Variants in TGIF2 observed in about 807,000 individuals in gnomAD.
TGIF2 encodes homeobox protein TGIF2.
Under a neutral mutation model 15.1 loss-of-function variants are expected in TGIF2, and 5 were observed. That is an observed-to-expected ratio of 0.33 (90% CI 0.17 to 0.70). The LOEUF (loss-of-function observed/expected upper bound fraction) is 0.70, where lower values mean the gene tolerates loss of function less well. Among genes scored for constraint, TGIF2 ranks in the 30% least tolerant of loss-of-function variants. The pLI is 0.67. For missense variants in TGIF2, 264 were observed against 302.5 expected (o/e 0.87, Z 0.94); for synonymous variants, 131 against 128.9 (o/e 1.02, Z -0.11).
chr20:36,574,868 G>C (rs1160866174), intron 1 of TGIF2: 1 of 153,058 alleles, frequency 6.5e-6, no homozygotes, highest in African/African-American at 2.4e-5. Context: ...CGGCCCGGGG[G>C]AGTGTCGGGA....
At chr20:36,588,589 A>C (rs1246473940) in intron 2 of TGIF2, among the ~76,000 whole-genome samples, 1 of 151,836 alleles carries the variant, frequency 6.6e-6, no homozygotes, top group Non-Finnish European at 1.5e-5. Flanking sequence ...ACCAGCGTCC[A>C]CTGAAGCCTG....
chr20:36,591,211 C>T lies in TGIF2; in HGVS notation c.494C>T (p.Thr165Ile), dbSNP rs560624399. The T allele has an allele frequency of 5.0e-6, 8 of 1,614,078 alleles. No homozygotes were observed. Among genetic ancestry groups the T allele is most frequent in the African/African-American group, 1.3e-5 (1 of 74,944 alleles). ...CTGGTGACCCCTGGTAGCACACTTA[C>T]TCTGCTGACCAGGGCTGAGGCTGGA... ...KPLVTPGSTLTLLTRAEAGSP... is the reference protein window; with the variant it reads ...KPLVTPGSTLILLTRAEAGSP... Residue 165 changes from threonine (T) to isoleucine (I), a missense_variant, in exon 3 of 3, where the codon ACT (threonine) becomes ATT (isoleucine). Thr to Ile is a moderately conservative substitution (Grantham distance 89). Transcript: ENST00000373872. This position sits in a 1 kb window ranked among gnomAD's most constrained non-coding sequence, Gnocchi z 5.3.
chr20:36,589,369 A>G (rs2038722226), intron 2 of TGIF2, among the ~76,000 whole-genome samples: 1 of 151,898 alleles, frequency 6.6e-6, no homozygotes. Context: ...GAAGAGCAGC[A>G]GGAAGGTGAG....
Position 36,591,682 on chromosome 20 carries a change from G to GTGC in TGIF2, c.*259_*261dup. 2.5e-6 allele frequency: 1 copy of GTGC among 398,260 alleles called. No individual in the cohort carries two copies. Among genetic ancestry groups the GTGC allele is most frequent in the Non-Finnish European group, 4.5e-6 (1 of 220,920 alleles). 24.7% of individuals were successfully genotyped at this position (398,260 alleles called of 1,614,324 possible). A position where few individuals can be genotyped will look rare whatever the true frequency, so the allele number is the denominator to read the frequency against. On this transcript the variant is annotated 3_prime_UTR_variant, in exon 3 of 3. Transcript: ENST00000373872. This position sits in a 1 kb window ranked among gnomAD's most constrained non-coding sequence, Gnocchi z 5.3. The stretch of plus-strand genomic sequence containing the variant: ...GACCAAGAGATCGGAGACAAGCATG[G>GTGC]TGCTGCTGCTTCTGCTGCTTCTCCA...
chr20:36,592,514 C>A lies in TGIF2; in HGVS notation c.*1083C>A, dbSNP rs2038785733. 6.6e-6 allele frequency: 1 copy of A among 152,492 alleles called. No individual in the cohort carries two copies. The highest frequency in any genetic ancestry group is 2.1e-4 in the South Asian group (1 of 4,826). 9.4% of individuals were successfully genotyped at this position (152,492 alleles called of 1,614,324 possible). The stretch of plus-strand genomic sequence containing the variant: ...CCCATATGTCAGAAGCTCCCAGCAC[C>A]TCCTACTTGGGAGAAAAGTGAGCCA... On this transcript the variant is annotated 3_prime_UTR_variant, in exon 3 of 3. Transcript: ENST00000373872.
intron 2 of TGIF2, among the ~76,000 whole-genome samples, chr20:36,585,465 T>TTA (rs2038636981): frequency 1.9e-5 from 2 of 104,056 alleles, no homozygotes; most frequent in South Asian, 3.1e-4. Context: ...ACTCTGTCTT[T>TTA]AAAAAAAAAA....
intron 2 of TGIF2, among the ~76,000 whole-genome samples, chr20:36,585,327 G>A (rs556916280): frequency 7.2e-5 from 11 of 152,012 alleles, no homozygotes; most frequent in East Asian, 3.9e-4. Flanking sequence ...GTGAAACCCC[G>A]TCTCTACTAA....
chr20:36,590,589 G>C (rs1290370161), intron 2 of TGIF2, among the ~76,000 whole-genome samples: 1 of 152,192 alleles, frequency 6.6e-6, no homozygotes, highest in Non-Finnish European at 1.5e-5. Flanking sequence ...TTTTGAAACA[G>C]TATCTTGTTC....
intron 2 of TGIF2, 36 bp downstream of exon 2, chr20:36,579,002 G>T (rs903687238): frequency 1.2e-6 from 2 of 1,600,678 alleles, no homozygotes; most frequent in African/African-American, 2.7e-5. Context: ...GTGGCAGGAG[G>T]ACCTGGGTTC....
At chr20:36,577,076 G>A (rs1409550007) in intron 1 of TGIF2, among the ~76,000 whole-genome samples, 2 of 152,034 alleles carry the variant, frequency 1.3e-5, no homozygotes, top group Non-Finnish European at 2.9e-5. Context: ...GCACTGGTGC[G>A]ATCATAGCTC....
chr20:36,573,592 A>T (rs530029359), upstream of TGIF2: 1 of 148,834 alleles, frequency 6.7e-6, no homozygotes, highest in African/African-American at 2.5e-5. Context: ...AGGGGATCTG[A>T]CGTCAGGCCG....
In TGIF2 at chr20:36,587,020, G is replaced by A. The variant is rs113651149; in HGVS notation, c.193-3890G>A. Among the ~76,000 whole-genome samples the A allele has an allele frequency of 6.6e-3, 1,000 of 152,270 alleles. 12 individuals carry two copies. Among genetic ancestry groups the A allele is most frequent in the African/African-American group, 0.023 (969 of 41,542 alleles). On this transcript the variant is annotated intron_variant, in intron 2 of 2. Coordinates refer to ENST00000373872, the MANE Select transcript of TGIF2 (RefSeq NM_021809.7). ...AGACCGGCTTTCCGGTTCCCAGCCTGTGTTTTGCCATATACATCACAGAGT... is the reference window on the plus strand; with the variant it reads ...AGACCGGCTTTCCGGTTCCCAGCCTATGTTTTGCCATATACATCACAGAGT...
At chr20:36,583,561 G>A (rs566463492) in intron 2 of TGIF2, among the ~76,000 whole-genome samples, 1 of 152,124 alleles carries the variant, frequency 6.6e-6, no homozygotes, top group South Asian at 2.1e-4. Context: ...AGGAGTTGGA[G>A]ACCTACCTGG....
chr20:36,579,920 C>T (rs370061566), intron 2 of TGIF2, among the ~76,000 whole-genome samples: 21 of 152,272 alleles, frequency 1.4e-4, no homozygotes, highest in East Asian at 7.7e-4. Flanking sequence ...CTTTGAATCG[C>T]GCCTATTGCT....
chr20:36,589,634 G>C (rs941693677), intron 2 of TGIF2, among the ~76,000 whole-genome samples: 2 of 151,804 alleles, frequency 1.3e-5, no homozygotes, highest in African/African-American at 2.4e-5. Flanking sequence ...CTCGTGATCT[G>C]CCCACCTCGG....
intron 2 of TGIF2, among the ~76,000 whole-genome samples, chr20:36,584,500 G>GA (rs2038612235): frequency 6.6e-6 from 1 of 151,924 alleles, no homozygotes; most frequent in Non-Finnish European, 1.5e-5. Context: ...TCCTAATCAT[G>GA]AAAAATAGCC....
intron 2 of TGIF2, among the ~76,000 whole-genome samples, chr20:36,586,227 G>A (rs2038655530): frequency 6.6e-6 from 1 of 152,132 alleles, no homozygotes; most frequent in Admixed American, 6.5e-5. Flanking sequence ...TAAGCTTTTT[G>A]GCTTAAATAA....
chr20:36,590,187 G>A lies in TGIF2; in HGVS notation c.193-723G>A, dbSNP rs1404983716. Among the ~76,000 whole-genome samples the A allele has an allele frequency of 2.1e-4, 32 of 152,098 alleles. No homozygotes were observed. The South Asian group carries it at 2.7e-3, about 13-fold the overall frequency. On this transcript the variant is annotated intron_variant, in intron 2 of 2. Coordinates refer to ENST00000373872, the MANE Select transcript of TGIF2 (RefSeq NM_021809.7). ...GCCCAGGCTGGTCTCGAATCCCTGG[G>A]CTCAAGTGATCTGCCCACCTCGGCC...
chr20:36,585,206 AAG>A (rs1170231347), intron 2 of TGIF2, among the ~76,000 whole-genome samples: 2 of 151,634 alleles, frequency 1.3e-5, no homozygotes, highest in African/African-American at 4.9e-5. Flanking sequence ...CTCAAAAAAA[AAG>A]AGAAAAAAGC....
Sources: allele counts gnomAD v4.1 joint callset (sites outside exome capture counted in the v4.1 genomes callset), GRCh38; gene constraint gnomAD v4.1.1; non-coding constraint Gnocchi (gnomAD v3.1); transcripts MANE v1.5; gene names NCBI Gene and HGNC (gene_info 2026-07-23, HGNC 2026-07-21).